GRM3: variants seen among roughly 807,000 people sequenced by gnomAD.
The protein encoded by GRM3 is glutamate metabotropic receptor 3.
In GRM3, 26 loss-of-function variants were observed where a neutral mutation model predicts 70.5. That is an observed-to-expected ratio of 0.37 (90% CI 0.27 to 0.51). The LOEUF (loss-of-function observed/expected upper bound fraction) is 0.51. Ranked by LOEUF, GRM3 falls within the 20% of genes least tolerant of loss-of-function variation. The pLI is 0.93. For missense variants in GRM3, 859 were observed against 1,123.8 expected (o/e 0.76, Z 3.37); for synonymous variants, 443 against 434.9 (o/e 1.02, Z -0.23).
chr7:86,827,551 T>C (rs1798258888), intron 3 of GRM3, among the ~76,000 whole-genome samples: 1 of 151,784 alleles, frequency 6.6e-6, no homozygotes, highest in African/African-American at 2.4e-5. Context: ...TTTGCTCTTG[T>C]CCCCCAGGCT....
At position 86,654,421 on chromosome 7, in the gene GRM3, C is replaced by G. The variant is rs559157222; in HGVS notation, c.-141+9549C>G. ...AAAGTTACACCGTGTCTCAGCAGAGCCTGGCTTTCTTGACCGTTCTGATGG... is the reference window on the plus strand; with the variant it reads ...AAAGTTACACCGTGTCTCAGCAGAGGCTGGCTTTCTTGACCGTTCTGATGG... On this transcript the variant is annotated intron_variant, in intron 1 of 5. Transcript: ENST00000361669. Among the ~76,000 whole-genome samples, 71 of 152,178 alleles carry G rather than the reference C, an allele frequency of 4.7e-4. 1 individual carries two copies. The highest frequency in any genetic ancestry group is 1.7e-3 in the African/African-American group (71 of 41,430).
chr7:86,644,770 C>T lies in GRM3; in HGVS notation c.-243C>T, dbSNP rs181314514. ...AGCCAGTAAGCTACCTCTTTTGTGTCGGATGAGGAGGACCAACCATGAGCC... is the reference window on the plus strand; with the variant it reads ...AGCCAGTAAGCTACCTCTTTTGTGTTGGATGAGGAGGACCAACCATGAGCC... On this transcript the variant is annotated 5_prime_UTR_variant, in exon 1 of 6. Coordinates refer to ENST00000361669, the MANE Select transcript of GRM3 (RefSeq NM_000840.3). 103 of 1,286,770 alleles carry T rather than the reference C, an allele frequency of 8.0e-5. No individual in the cohort carries two copies. The African/African-American group carries it at 1.5e-3, about 18-fold the overall frequency. The allele number at this position is 1,286,770 out of a possible 1,614,324, so 79.7% of individuals were successfully genotyped here.
intron 3 of GRM3, among the ~76,000 whole-genome samples, chr7:86,789,538 A>G (rs1797354522): frequency 6.6e-6 from 1 of 152,158 alleles, no homozygotes. Flanking sequence ...TGAAAAGCAG[A>G]TTTGTTTTAC....
intron 1 of GRM3, among the ~76,000 whole-genome samples, chr7:86,671,638 T>G (rs1562820600): frequency 6.6e-6 from 1 of 152,198 alleles, no homozygotes; most frequent in Admixed American, 6.5e-5. Flanking sequence ...ATTGCTTTAA[T>G]CTAGAGGTCT....
chr7:86,646,702 A>G (rs551929294), intron 1 of GRM3, among the ~76,000 whole-genome samples: 15 of 152,314 alleles, frequency 9.8e-5, no homozygotes, highest in African/African-American at 3.4e-4. Flanking sequence ...ATGCCAGTAC[A>G]ATGAATAGGC....
chr7:86,655,851 TGGGTGGGTGG>T (rs992123106), intron 1 of GRM3, among the ~76,000 whole-genome samples: 18 of 139,844 alleles, frequency 1.3e-4, no homozygotes, highest in African/African-American at 5.1e-4. Context: ...TGTGTGTGTG[TGGGTGGGTGG>T]GTGTGTGTGT....
intron 4 of GRM3, among the ~76,000 whole-genome samples, chr7:86,843,061 A>T (rs1176316307): frequency 2.6e-5 from 4 of 152,134 alleles, no homozygotes; most frequent in Non-Finnish European, 5.9e-5. Context: ...CATTTAGATA[A>T]TGTTTAAGGG....
chr7:86,793,692 AATGAT>A (rs1211780217), intron 3 of GRM3, among the ~76,000 whole-genome samples: 2 of 152,188 alleles, frequency 1.3e-5, no homozygotes, highest in Non-Finnish European at 2.9e-5. Flanking sequence ...AGGCTTGAGA[AATGAT>A]TCCCATTTTA....
chr7:86,660,637 G>GTTGCT lies in GRM3; in HGVS notation c.-141+15768_-141+15769insCTTTG, dbSNP rs1793868077. Among the ~76,000 whole-genome samples the GTTGCT allele has an allele frequency of 3.3e-5, 3 of 90,212 alleles. No homozygotes were observed. The Admixed American group carries it at 4.1e-4, about 12-fold the overall frequency. 59.2% of individuals were successfully genotyped at this position (90,212 alleles called of 152,430 possible). The stretch of plus-strand genomic sequence containing the variant: ...GCTTGTGGGTTACATGGATTCATTA[G>GTTGCT]TTGATAAAAAGCACTTAGTAAAAAT... On this transcript the variant is annotated intron_variant, in intron 1 of 5. Transcript: ENST00000361669.
chr7:86,782,506 T>C (rs1797098096), intron 2 of GRM3, among the ~76,000 whole-genome samples: 1 of 152,234 alleles, frequency 6.6e-6, no homozygotes. Context: ...TGATTCTGTA[T>C]CTTCCTGCCA....
At chr7:86,797,149 T>C (rs991550920) in intron 3 of GRM3, among the ~76,000 whole-genome samples, 54 of 152,158 alleles carry the variant, frequency 3.5e-4, no homozygotes, top group African/African-American at 1.3e-3. Context: ...GAGAGGGGTG[T>C]TGCTCTAAAG....
At chr7:86,652,416 C>T (rs546071927) in intron 1 of GRM3, among the ~76,000 whole-genome samples, 2 of 152,156 alleles carry the variant, frequency 1.3e-5, no homozygotes, top group South Asian at 2.1e-4. Context: ...CTGCAACTTC[C>T]GCCTCCCGGA....
chr7:86,698,077 G>A (rs1034767785), intron 1 of GRM3, among the ~76,000 whole-genome samples: 11 of 152,072 alleles, frequency 7.2e-5, no homozygotes, highest in African/African-American at 9.7e-5. Flanking sequence ...CATGGGCAAG[G>A]AATTAAACTG....
At chr7:86,706,044 T>C (rs947490280) in intron 1 of GRM3, among the ~76,000 whole-genome samples, 22 of 152,120 alleles carry the variant, frequency 1.4e-4, no homozygotes, top group African/African-American at 5.1e-4. Flanking sequence ...TTTATACAAA[T>C]CCATAGACTA....
chr7:86,733,044 G>T (rs977613923), intron 1 of GRM3, among the ~76,000 whole-genome samples: 10 of 152,176 alleles, frequency 6.6e-5, no homozygotes, highest in African/African-American at 1.7e-4. Flanking sequence ...GCCGGGCGTG[G>T]TGTCTCACGC....
intron 2 of GRM3, among the ~76,000 whole-genome samples, chr7:86,768,682 C>CCCACAAGGGGGAG (rs1796664759): frequency 3.3e-5 from 5 of 152,052 alleles, no homozygotes; most frequent in Non-Finnish European, 7.4e-5. Flanking sequence ...GGGAGACGTC[C>CCCACAAGGGGGAG]ATGTACAAGG....
At chr7:86,723,977 T>G (rs897229996) in intron 1 of GRM3, among the ~76,000 whole-genome samples, 6 of 152,174 alleles carry the variant, frequency 3.9e-5, no homozygotes, top group Non-Finnish European at 8.8e-5. Context: ...TGCAGGCTCA[T>G]TAACTATAAA....
rs1471858431 is a variant in GRM3 at position 86,822,522 on chromosome 7, A to G, written c.1325-16317A>G. On this transcript the variant is annotated intron_variant, in intron 3 of 5. Coordinates refer to ENST00000361669, the MANE Select transcript of GRM3 (RefSeq NM_000840.3). The stretch of plus-strand genomic sequence containing the variant: ...GGCATATAAAGCAGAGAACAAGATG[A>G]AAAAAAGCACAAGTGGAAAAAAATG... 5.9e-5 allele frequency among the ~76,000 whole-genome samples: 9 copies of G among 152,196 alleles called. No individual in the cohort carries two copies. The East Asian group carries it at 1.4e-3, about 23-fold the overall frequency.
At chr7:86,740,244 T>G (rs1262278618) in intron 1 of GRM3, among the ~76,000 whole-genome samples, 1 of 152,196 alleles carries the variant, frequency 6.6e-6, no homozygotes, top group Non-Finnish European at 1.5e-5. Flanking sequence ...ATTGGATTAC[T>G]ATTCCATAGG....
Sources: allele counts gnomAD v4.1 joint callset (sites outside exome capture counted in the v4.1 genomes callset), GRCh38; gene constraint gnomAD v4.1.1; transcripts MANE v1.5; gene names NCBI Gene and HGNC (gene_info 2026-07-23, HGNC 2026-07-21).